TMEM132D: variants seen among roughly 807,000 people sequenced by gnomAD.
The protein encoded by TMEM132D is transmembrane protein 132D.
A neutral mutation model predicts 62.3 loss-of-function variants in TMEM132D; 21 were observed. The observed-to-expected ratio is 0.34, with a 90% CI of 0.24 to 0.49. TMEM132D has a LOEUF of 0.49. Ranked by LOEUF, TMEM132D falls within the 20% of genes least tolerant of loss-of-function variation. The pLI is 0.99. For synonymous variants in TMEM132D, 621 were observed against 575.6 expected (o/e 1.08, Z -1.13); for missense variants, 1,346 against 1,402.8 (o/e 0.96, Z 0.65).
intron 4 of TMEM132D, among the ~76,000 whole-genome samples, chr12:129,298,796 G>T (rs1881637268): frequency 6.6e-6 from 1 of 152,152 alleles, no homozygotes; most frequent in Non-Finnish European, 1.5e-5. Flanking sequence ...TCTATAGAGA[G>T]CCAAAGAAGG....
At chr12:129,502,035 C>T (rs1376474647) in intron 3 of TMEM132D, among the ~76,000 whole-genome samples, 1 of 151,740 alleles carries the variant, frequency 6.6e-6, no homozygotes, top group Non-Finnish European at 1.5e-5. Context: ...GAGTCTCGCT[C>T]TGTCGTCCAG....
chr12:129,209,764 C>T, intron 4 of TMEM132D, 101 bp from the exon 5 acceptor site: 1 of 1,491,092 alleles, frequency 6.7e-7, no homozygotes, highest in Non-Finnish European at 9.1e-7. Context: ...GCAAACAGCA[C>T]TGGCCTCTTC....
In TMEM132D at chr12:129,385,192, G is replaced by A. The variant is rs183668985; in HGVS notation, c.1116-47375C>T. Among the ~76,000 whole-genome samples, 406 of 139,612 alleles carry A rather than the reference G, an allele frequency of 2.9e-3. 4 individuals are homozygous for A. The highest frequency in any genetic ancestry group is 0.01 in the African/African-American group (381 of 36,958). 91.6% of individuals were successfully genotyped at this position (139,612 alleles called of 152,430 possible). On this transcript the variant is annotated intron_variant, in intron 3 of 8. Transcript: ENST00000422113. ...GCGATCTTGGCTCACTGCAACTTCCGCCTCCCGGGTTCAAGCCATTCTCCT... is the reference window on the plus strand; with the variant it reads ...GCGATCTTGGCTCACTGCAACTTCCACCTCCCGGGTTCAAGCCATTCTCCT...
chr12:129,817,137 C>A (rs1872368591), intron 1 of TMEM132D, among the ~76,000 whole-genome samples: 1 of 152,202 alleles, frequency 6.6e-6, no homozygotes, highest in South Asian at 2.1e-4. Context: ...AGTTAATGAG[C>A]AATATGCAAT....
chr12:129,823,047 G>T (rs1292300311), intron 1 of TMEM132D, among the ~76,000 whole-genome samples: 1 of 152,170 alleles, frequency 6.6e-6, no homozygotes, highest in African/African-American at 2.4e-5. Context: ...GAGGTAGTGA[G>T]TGAGTCATCG....
chr12:129,717,302 C>G (rs1438539705), intron 1 of TMEM132D, among the ~76,000 whole-genome samples: 1 of 152,168 alleles, frequency 6.6e-6, no homozygotes, highest in African/African-American at 2.4e-5. Context: ...ATTCTGTGCT[C>G]TCTTTCATAT....
chr12:129,452,209 C>A (rs1207275339), intron 3 of TMEM132D, among the ~76,000 whole-genome samples: 2 of 152,296 alleles, frequency 1.3e-5, no homozygotes, highest in African/African-American at 4.8e-5. Flanking sequence ...GAGAAAAGGG[C>A]AGTGCGTAAT....
At chr12:129,354,062 G>T (rs939024335) in intron 3 of TMEM132D, among the ~76,000 whole-genome samples, 1 of 151,870 alleles carries the variant, frequency 6.6e-6, no homozygotes, top group African/African-American at 2.4e-5. Context: ...CAAAACTGTT[G>T]GCCATAAGCA....
chr12:129,349,189 G>GGAAAAGGAGCC, intron 3 of TMEM132D, among the ~76,000 whole-genome samples: 1 of 152,146 alleles, frequency 6.6e-6, no homozygotes, highest in African/African-American at 2.4e-5. Flanking sequence ...CTCCTTTCCT[G>GGAAAAGGAGCC]TGAACAAATA....
intron 3 of TMEM132D, among the ~76,000 whole-genome samples, chr12:129,502,111 T>C (rs776710674): frequency 1.3e-5 from 2 of 152,132 alleles, no homozygotes; most frequent in African/African-American, 2.4e-5. Flanking sequence ...ACCATTCTCC[T>C]GCCTCAGCCT....
chr12:129,252,082 T>C (rs1436814555), intron 4 of TMEM132D, among the ~76,000 whole-genome samples: 1 of 152,208 alleles, frequency 6.6e-6, no homozygotes, highest in Non-Finnish European at 1.5e-5. Context: ...ATATGTATAT[T>C]CAAATCATAT....
chr12:129,179,826 G>A (rs570274555), intron 5 of TMEM132D, among the ~76,000 whole-genome samples: 16 of 152,174 alleles, frequency 1.1e-4, no homozygotes, highest in African/African-American at 3.6e-4. Context: ...CTGGGAGTTC[G>A]AGATCAGCCT....
intron 4 of TMEM132D, among the ~76,000 whole-genome samples, chr12:129,320,539 G>A (rs1868665031): frequency 6.6e-6 from 1 of 152,210 alleles, no homozygotes; most frequent in African/African-American, 2.4e-5. Context: ...GACTGGAAAT[G>A]TAGGCAGGGG....
intron 1 of TMEM132D, among the ~76,000 whole-genome samples, chr12:129,792,556 G>T (rs1565987138): frequency 1.3e-5 from 2 of 152,162 alleles, no homozygotes; most frequent in Admixed American, 6.5e-5. Context: ...CTGAGCATGG[G>T]AAACAAATGA....
At chr12:129,289,563 A>C (rs1881394582) in intron 4 of TMEM132D, among the ~76,000 whole-genome samples, 1 of 148,710 alleles carries the variant, frequency 6.7e-6, no homozygotes, top group Non-Finnish European at 1.5e-5. Context: ...AAAAAAAAAA[A>C]AGAAAAAAAA....
chr12:129,753,519 C>G lies in TMEM132D; in HGVS notation c.80-52821G>C, dbSNP rs554408859. ...CTGCAGCCCCAATCCTGGACTTTCACAAATCAGTGAGCACACTTATTCAAA... is the reference window on the plus strand; with the variant it reads ...CTGCAGCCCCAATCCTGGACTTTCAGAAATCAGTGAGCACACTTATTCAAA... On this transcript the variant is annotated intron_variant, in intron 1 of 8. Transcript: ENST00000422113. Among the ~76,000 whole-genome samples the G allele has an allele frequency of 2.6e-5, 4 of 152,296 alleles. No homozygotes were observed. The South Asian group carries it at 8.3e-4, about 32-fold the overall frequency.
intron 1 of TMEM132D, among the ~76,000 whole-genome samples, chr12:129,803,505 C>A (rs1281159457): frequency 3.3e-5 from 5 of 151,716 alleles, no homozygotes; most frequent in Non-Finnish European, 7.4e-5. Context: ...AAGAAAGACA[C>A]AACATACCAG....
At chr12:129,807,711 A>G (rs1872038216) in intron 1 of TMEM132D, among the ~76,000 whole-genome samples, 1 of 152,148 alleles carries the variant, frequency 6.6e-6, no homozygotes, top group South Asian at 2.1e-4. Context: ...GGCAGGCTGG[A>G]GCAATTCTGA....
rs769391708 is a variant in TMEM132D at position 129,277,686 on chromosome 12, G to C, written c.1299+59948C>G. Among the ~76,000 whole-genome samples, 1 of 152,066 alleles carries C rather than the reference G, an allele frequency of 6.6e-6. No homozygotes were observed. The highest frequency in any genetic ancestry group is 2.4e-5 in the African/African-American group (1 of 41,398). ...AGTATCTCAATTTTTTAAATTGCCC[G>C]TATTGTGTTTTTCTTATCAGAATCA... is the stretch of plus-strand genomic sequence containing the variant. On this transcript the variant is annotated intron_variant, in intron 4 of 8. Transcript: ENST00000422113. This position sits in a 1 kb window ranked among gnomAD's most constrained non-coding sequence, Gnocchi z 4.2.
Sources: gnomAD v4.1 joint callset for allele counts (sites outside exome capture counted in the v4.1 genomes callset) on GRCh38, gnomAD v4.1.1 for gene constraint, Gnocchi (gnomAD v3.1) non-coding constraint, MANE v1.5 for transcripts, NCBI Gene and HGNC (gene_info 2026-07-23, HGNC 2026-07-21) for gene names.